SH2D3C: variants seen among roughly 807,000 people sequenced by gnomAD.
The protein encoded by SH2D3C is SH2 domain containing 3C.
In SH2D3C, 25 loss-of-function variants were observed where a neutral mutation model predicts 75.2. The ratio of observed to expected loss-of-function variants is 0.33; its 90% confidence interval spans 0.24 to 0.46. The LOEUF is 0.46. Among genes scored for constraint, SH2D3C ranks in the 20% least tolerant of loss-of-function variants. SH2D3C has a pLI of 1.00. For synonymous variants in SH2D3C, 450 were observed against 473.7 expected (o/e 0.95, Z 0.65); for missense variants, 933 against 1,165.3 (o/e 0.80, Z 2.90).
chr9:127,739,514 A>T lies in SH2D3C; in HGVS notation c.2407+168T>A, dbSNP rs1207984503. Among the ~76,000 whole-genome samples the T allele has an allele frequency of 2.6e-4, 39 of 152,170 alleles. No individual in the cohort carries two copies. Among genetic ancestry groups the T allele is most frequent in the Non-Finnish European group, 1.5e-4 (10 of 68,000 alleles). On this transcript the variant is annotated intron_variant, in intron 11 of 11. Transcript: ENST00000314830. This position sits in a 1 kb window ranked among gnomAD's most constrained non-coding sequence, Gnocchi z 4.3. ...GACAGTGTGAGACTCCATCTCAAAA[A>T]AAAAAGAAAAAAGAAAAGAAAAGAC...
intron 2 of SH2D3C, among the ~76,000 whole-genome samples, chr9:127,766,172 A>T (rs1458535975): frequency 6.6e-6 from 1 of 151,994 alleles, no homozygotes; most frequent in African/African-American, 2.4e-5. Flanking sequence ...ATCCTGCCCC[A>T]CCCTGGCCCT....
At chr9:127,778,207 C>T (rs937920133) in intron 1 of SH2D3C, among the ~76,000 whole-genome samples, 5 of 151,020 alleles carry the variant, frequency 3.3e-5, no homozygotes, top group Non-Finnish European at 5.9e-5. Flanking sequence ...AGGCTGGTCT[C>T]GAACTCCTGA....
chr9:127,742,735 C>A, intron 8 of SH2D3C, 114 bp downstream of exon 8: 1 of 702,132 alleles, frequency 1.4e-6, no homozygotes. Flanking sequence ...GGAGGCGTGG[C>A]CAGAGCCCCC....
At position 127,762,314 on chromosome 9, in the gene SH2D3C, G is replaced by T. The variant is rs536340413; in HGVS notation, c.516-664C>A. The stretch of plus-strand genomic sequence containing the variant: ...GCCACCGTGAACCACTCCCCCCACC[G>T]CATGGCCTTAAATGCTACCCCTACC... On this transcript the variant is annotated intron_variant, in intron 2 of 11. Transcript: ENST00000314830. 7 of 1,273,442 alleles carry T rather than the reference G, an allele frequency of 5.5e-6. 1 individual carries two copies. The highest frequency in any genetic ancestry group is 5.0e-5 in the Admixed American group (2 of 40,118). The allele number at this position is 1,273,442 out of a possible 1,614,324, so 78.9% of individuals were successfully genotyped here. A position where few individuals can be genotyped will look rare whatever the true frequency, so the allele number is the denominator to read the frequency against.
Position 127,749,730 on chromosome 9 carries a change from G to C in SH2D3C, c.685-65C>G. 9.5e-7 allele frequency: 1 copy of C among 1,053,878 alleles called. No homozygotes were observed. The highest frequency in any genetic ancestry group is 1.4e-5 in the South Asian group (1 of 71,042). The allele number at this position is 1,053,878 out of a possible 1,614,324, so 65.3% of individuals were successfully genotyped here. A position where few individuals can be genotyped will look rare whatever the true frequency, so the allele number is the denominator to read the frequency against. On this transcript the variant is annotated intron_variant, in intron 4 of 11. Transcript: ENST00000314830. The surrounding 1 kb of genome is among the most constrained non-coding windows in gnomAD (Gnocchi z 5.9). ...GGAGAGGGTCAGACCCAGGATCTGG[G>C]GGACAGAGCAACCCAGGATTAGGGG...
chr9:127,749,675 G>A lies in SH2D3C; in HGVS notation c.685-10C>T. On this transcript the variant is annotated splice_polypyrimidine_tract_variant and intron_variant, in intron 4 of 11. Transcript: ENST00000314830. The surrounding 1 kb of genome is among the most constrained non-coding windows in gnomAD (Gnocchi z 5.9). ...CCAAGGTCTCCGAGACCTGCAGAAG[G>A]CATGGTTAGGCTGGAGTAGGGTGGG... 1 of 1,523,802 alleles carries A rather than the reference G, an allele frequency of 6.6e-7. No homozygotes were observed. Among genetic ancestry groups the A allele is most frequent in the Non-Finnish European group, 8.8e-7 (1 of 1,132,990 alleles). The allele number at this position is 1,523,802 out of a possible 1,614,324, so 94.4% of individuals were successfully genotyped here. A position where few individuals can be genotyped will look rare whatever the true frequency, so the allele number is the denominator to read the frequency against.
At chr9:127,768,355 A>G (rs1845674032) in intron 2 of SH2D3C, among the ~76,000 whole-genome samples, 1 of 152,022 alleles carries the variant, frequency 6.6e-6, no homozygotes, top group South Asian at 2.1e-4. Flanking sequence ...GGGCTGGGGA[A>G]GGGGCAACAC....
intron 3 of SH2D3C, chr9:127,755,224 A>C: frequency 9.3e-7 from 1 of 1,071,188 alleles, no homozygotes; most frequent in Non-Finnish European, 1.1e-6. Flanking sequence ...GCAGGGGCGC[A>C]GGGACCAACC....
At chr9:127,769,500 C>CAA (rs1179441372) in intron 2 of SH2D3C, among the ~76,000 whole-genome samples, 12 of 151,146 alleles carry the variant, frequency 7.9e-5, no homozygotes, top group Admixed American at 2.6e-4. Flanking sequence ...CACACACACA[C>CAA]ACAAAATTAG....
Position 127,739,992 on chromosome 9 carries a change from C to T in SH2D3C, c.2201-104G>A, listed in dbSNP as rs1844806009. The T allele has an allele frequency of 1.8e-6, 2 of 1,134,674 alleles. No homozygotes were observed. The highest frequency in any genetic ancestry group is 1.2e-6 in the Non-Finnish European group (1 of 813,406). The allele number at this position is 1,134,674 out of a possible 1,614,324, so 70.3% of individuals were successfully genotyped here. Reference sequence around the variant, plus strand: ...AGGAGGGAACGGGCCTGGCTGAGGTCCGGGAGAGAGCCCCAAGGGCTCCTG... The same window carrying T: ...AGGAGGGAACGGGCCTGGCTGAGGTTCGGGAGAGAGCCCCAAGGGCTCCTG... On this transcript the variant is annotated intron_variant, in intron 10 of 11. Coordinates refer to ENST00000314830, the MANE Select transcript of SH2D3C (RefSeq NM_170600.3). This position sits in a 1 kb window ranked among gnomAD's most constrained non-coding sequence, Gnocchi z 4.3.
At position 127,739,779 on chromosome 9, in the gene SH2D3C, C is replaced by T. The variant is rs1241556379; in HGVS notation, c.2310G>A (p.Glu770=). The change falls in exon 11 of 12, where the codon GAG becomes GAA. Residue 770 remains glutamate, a synonymous_variant. Transcript: ENST00000314830. This position sits in a 1 kb window ranked among gnomAD's most constrained non-coding sequence, Gnocchi z 4.3. ...GAGCCAGCACCACCTCCACGCCGTGCTCCGTGCTGCCCCAGGGCTCAGGGC... is the reference window on the plus strand; with the variant it reads ...GAGCCAGCACCACCTCCACGCCGTGTTCCGTGCTGCCCCAGGGCTCAGGGC... ...PEGPEPWGST[E]HGVEVVLAHL... 4 of 1,602,462 alleles carry T rather than the reference C, an allele frequency of 2.5e-6. No individual in the cohort carries two copies. Among genetic ancestry groups the T allele is most frequent in the South Asian group, 1.1e-5 (1 of 89,326 alleles).
At chr9:127,767,359 G>A (rs1434627463) in intron 2 of SH2D3C, 13 of 1,419,840 alleles carry the variant, frequency 9.2e-6, no homozygotes, top group African/African-American at 1.4e-5. Context: ...TTTTACAGGG[G>A]AGAAAACTGA....
At chr9:127,768,719 G>A (rs1462726276) in intron 2 of SH2D3C, among the ~76,000 whole-genome samples, 2 of 152,184 alleles carry the variant, frequency 1.3e-5, no homozygotes, top group Non-Finnish European at 2.9e-5. Context: ...GGTCCTTGCT[G>A]GGCTCTTCCA....
chr9:127,744,037 A>ACTGACAT (rs1352706734), intron 7 of SH2D3C, among the ~76,000 whole-genome samples: 3 of 149,824 alleles, frequency 2.0e-5, no homozygotes, highest in Non-Finnish European at 4.4e-5. Context: ...TTAGTGCCAA[A>ACTGACAT]CTGACATCTG....
chr9:127,767,206 G>C, intron 2 of SH2D3C: 1 of 1,527,132 alleles, frequency 6.5e-7, no homozygotes, highest in East Asian at 2.5e-5. Flanking sequence ...GCAGAGCAGG[G>C]GCCATTCTTC....
At chr9:127,748,835 T>C (rs570071570) in intron 5 of SH2D3C, among the ~76,000 whole-genome samples, 4 of 152,254 alleles carry the variant, frequency 2.6e-5, no homozygotes, top group African/African-American at 9.6e-5. Flanking sequence ...CTGGGTAGGA[T>C]GAGGAGGGGT....
rs1480614717 is a variant in SH2D3C, at chr9:127,746,937, CAAAT to C, written c.1264+206_1264+209del. Among the ~76,000 whole-genome samples the C allele has an allele frequency of 3.3e-5, 5 of 152,294 alleles. No individual in the cohort carries two copies. The East Asian group carries it at 5.8e-4, about 18-fold the overall frequency. ...CACAAGAGCAAAACTGTCACAAAAA[CAAAT>C]AAATAGTTGCTAAATAAACAAACCA... On this transcript the variant is annotated intron_variant, in intron 6 of 11. Transcript: ENST00000314830.
chr9:127,741,999 C>T, intron 8 of SH2D3C, 40 bp from the exon 9 acceptor site: 1 of 1,564,624 alleles, frequency 6.4e-7, no homozygotes, highest in Non-Finnish European at 8.6e-7. Context: ...GGCTCGGGGA[C>T]AGGGGTGAGG....
intron 2 of SH2D3C, among the ~76,000 whole-genome samples, chr9:127,768,373 C>T (rs1678456918): frequency 6.6e-6 from 1 of 151,882 alleles, no homozygotes; most frequent in Non-Finnish European, 1.5e-5. Context: ...CACAGGGTAC[C>T]CCTGGTTCTC....
Sources: gnomAD v4.1 joint callset for allele counts (sites outside exome capture counted in the v4.1 genomes callset) on GRCh38, gnomAD v4.1.1 for gene constraint, Gnocchi (gnomAD v3.1) non-coding constraint, MANE v1.5 for transcripts, NCBI Gene and HGNC (gene_info 2026-07-23, HGNC 2026-07-21) for gene names.